Variants in FNBP1L observed in about 807,000 individuals in gnomAD.
FNBP1L encodes the protein formin-binding protein 1-like.
In FNBP1L, 36 loss-of-function variants were observed where a neutral mutation model predicts 91.2. The ratio of observed to expected loss-of-function variants is 0.39; its 90% CI spans 0.30 to 0.52. FNBP1L has a LOEUF of 0.52. Ranked by LOEUF, FNBP1L falls within the 20% of genes least tolerant of loss-of-function variation. The pLI is 0.66. For synonymous variants in FNBP1L, 242 were observed against 237.0 expected (o/e 1.02, Z -0.19); for missense variants, 571 against 732.1 (o/e 0.78, Z 2.54).
intron 7 of FNBP1L, among the ~76,000 whole-genome samples, chr1:93,531,287 G>A (rs750797301): frequency 6.6e-6 from 1 of 152,136 alleles, no homozygotes; most frequent in Non-Finnish European, 1.5e-5. Flanking sequence ...ATATTTGCTA[G>A]CATGGTTTTT....
chr1:93,499,487 A>G lies in FNBP1L; in HGVS notation c.44A>G (p.Asp15Gly). ...TELWDQFDSL[D>G]KHTQWGIDFL... is the part of the protein sequence containing the mutation. ...TTCCAGGATCAGTTCGACAGCTTAGACAAGCATACACAATGGGGAATTGAC... is the reference window on the plus strand; with the variant it reads ...TTCCAGGATCAGTTCGACAGCTTAGGCAAGCATACACAATGGGGAATTGAC... The change falls in exon 2 of 17, where the codon GAC becomes GGC. Residue 15 changes from aspartate (D) to glycine (G), a missense_variant. Asp to Gly is a moderately conservative substitution (Grantham distance 94). Coordinates refer to ENST00000271234, the MANE Select transcript of FNBP1L (RefSeq NM_001164473.3). 1 of 1,596,964 alleles carries G rather than the reference A, an allele frequency of 6.3e-7. No homozygotes were observed. Among genetic ancestry groups the G allele is most frequent in the Non-Finnish European group, 8.5e-7 (1 of 1,172,988 alleles).
chr1:93,549,152 C>T (rs1393380658), intron 14 of FNBP1L, 126 bp from the exon 15 acceptor site: 1 of 645,392 alleles, frequency 1.5e-6, no homozygotes, highest in African/African-American at 1.9e-5. Flanking sequence ...AAAAATAGGG[C>T]TTAAGTGGAA....
intron 1 of FNBP1L, among the ~76,000 whole-genome samples, chr1:93,470,472 C>A (rs989140604): frequency 1.3e-5 from 2 of 152,200 alleles, no homozygotes; most frequent in Non-Finnish European, 2.9e-5. Flanking sequence ...AATTGGCTCT[C>A]CAGTTGGCTT....
intron 1 of FNBP1L, among the ~76,000 whole-genome samples, chr1:93,449,158 G>C (rs999224137): frequency 1.3e-5 from 2 of 152,162 alleles, no homozygotes; most frequent in African/African-American, 4.8e-5. Context: ...CTTTGGCACA[G>C]GAGGCTCCAG....
At chr1:93,520,419 A>C in intron 2 of FNBP1L, among the ~76,000 whole-genome samples, 1 of 152,192 alleles carries the variant, frequency 6.6e-6, no homozygotes, top group Non-Finnish European at 1.5e-5. Flanking sequence ...TTTCCAATCC[A>C]TTGTGTACTG....
intron 5 of FNBP1L, 63 bp downstream of exon 5, chr1:93,524,386 T>G: frequency 8.4e-7 from 1 of 1,185,674 alleles, no homozygotes; most frequent in Non-Finnish European, 1.1e-6. Context: ...CCTAAATACT[T>G]TTATGCTTCA....
Position 93,541,037 on chromosome 1 carries a change from T to C in FNBP1L, c.1150-5T>C. 6.5e-7 allele frequency: 1 copy of C among 1,536,454 alleles called. No homozygotes were observed. On this transcript the variant is annotated splice_polypyrimidine_tract_variant and splice_region_variant and intron_variant, in intron 10 of 16. Transcript: ENST00000271234. Reference sequence around the variant, plus strand: ...TTTCTTTCTGTTTTCCATTGAACTATTCAGTGGTCGGTGAAGATGGTAAGC... The same window carrying C: ...TTTCTTTCTGTTTTCCATTGAACTACTCAGTGGTCGGTGAAGATGGTAAGC...
chr1:93,479,986 GA>G (rs1472071201), intron 1 of FNBP1L, among the ~76,000 whole-genome samples: 1 of 152,168 alleles, frequency 6.6e-6, no homozygotes, highest in Non-Finnish European at 1.5e-5. Flanking sequence ...AACTGTCCAG[GA>G]AATCTTCACA....
chr1:93,461,969 T>G (rs900407277), intron 1 of FNBP1L, among the ~76,000 whole-genome samples: 1 of 152,176 alleles, frequency 6.6e-6, no homozygotes, highest in African/African-American at 2.4e-5. Flanking sequence ...ATGGACCACT[T>G]CTTACTTGTC....
At chr1:93,462,861 C>A (rs74104033) in intron 1 of FNBP1L, among the ~76,000 whole-genome samples, 1 of 151,968 alleles carries the variant, frequency 6.6e-6, no homozygotes, top group East Asian at 1.9e-4. Flanking sequence ...AAGGAAGTCA[C>A]TATGTATAGC....
chr1:93,449,749 T>C (rs1668422167), intron 1 of FNBP1L, among the ~76,000 whole-genome samples: 1 of 152,198 alleles, frequency 6.6e-6, no homozygotes, highest in African/African-American at 2.4e-5. Flanking sequence ...GATTGCATGG[T>C]AAATGAATTA....
At chr1:93,537,862 T>C (rs1557817054) in intron 10 of FNBP1L, among the ~76,000 whole-genome samples, 1 of 152,278 alleles carries the variant, frequency 6.6e-6, no homozygotes, top group East Asian at 1.9e-4. Context: ...ATTTTTAATT[T>C]AAAATTGTTT....
chr1:93,534,783 C>T lies in FNBP1L; in HGVS notation c.865C>T (p.His289Tyr), dbSNP rs770373855. The change falls in exon 9 of 17, where the codon CAT (histidine) becomes TAT (tyrosine). Residue 289 changes from histidine to tyrosine, a missense_variant. Coordinates refer to ENST00000271234, the MANE Select transcript of FNBP1L (RefSeq NM_001164473.3). ...CTTTCCATTTGAAGATTACAGTCAA[C>T]ATATATATAGAACCATTTCTGATGG... is the stretch of plus-strand genomic sequence containing the variant. ...GDFPFEDYSQHIYRTISDGTI... is the reference protein window; with the variant it reads ...GDFPFEDYSQYIYRTISDGTI... The T allele has an allele frequency of 8.6e-5, 135 of 1,570,696 alleles. 1 individual carries two copies. The South Asian group carries it at 1.5e-3, about 18-fold the overall frequency.
At chr1:93,459,052 A>G (rs1306190777) in intron 1 of FNBP1L, among the ~76,000 whole-genome samples, 1 of 152,180 alleles carries the variant, frequency 6.6e-6, no homozygotes, top group Non-Finnish European at 1.5e-5. Context: ...AGGTGGGTGG[A>G]TCCCTTGAGG....
At chr1:93,515,563 C>T (rs1671063900) in intron 2 of FNBP1L, among the ~76,000 whole-genome samples, 1 of 152,052 alleles carries the variant, frequency 6.6e-6, no homozygotes, top group Admixed American at 6.6e-5. Flanking sequence ...GGCACATATA[C>T]ACCATGGAAT....
Position 93,512,857 on chromosome 1 carries a change from A to G in FNBP1L, c.141-9225A>G, listed in dbSNP as rs558428475. On this transcript the variant is annotated intron_variant, in intron 2 of 16. Coordinates refer to ENST00000271234, the MANE Select transcript of FNBP1L (RefSeq NM_001164473.3). The stretch of plus-strand genomic sequence containing the variant: ...AATTGACACTCTAACATCACAATTA[A>G]AAGAACTAGAAAAGCAAGAGCAAAC... 1.9e-3 allele frequency among the ~76,000 whole-genome samples: 287 copies of G among 152,214 alleles called. 2 individuals are homozygous for G. Among genetic ancestry groups the G allele is most frequent in the African/African-American group, 6.6e-3 (276 of 41,524 alleles).
intron 1 of FNBP1L, among the ~76,000 whole-genome samples, chr1:93,471,993 C>A (rs538246228): frequency 2.4e-4 from 37 of 152,206 alleles, no homozygotes; most frequent in African/African-American, 8.9e-4. Flanking sequence ...AGAAATGGTG[C>A]TGTTAATTAG....
At chr1:93,462,337 A>G (rs773259419) in intron 1 of FNBP1L, among the ~76,000 whole-genome samples, 10 of 152,168 alleles carry the variant, frequency 6.6e-5, no homozygotes, top group Non-Finnish European at 1.0e-4. Context: ...CTTAGAAATT[A>G]AGCAGATATT....
chr1:93,546,278 A>G (rs570031214), intron 12 of FNBP1L, among the ~76,000 whole-genome samples: 1 of 152,244 alleles, frequency 6.6e-6, no homozygotes, highest in Admixed American at 6.5e-5. Context: ...GTTAGTCAAT[A>G]GTGTCAGATG....
Sources: allele counts gnomAD v4.1 joint callset (sites outside exome capture counted in the v4.1 genomes callset), GRCh38; gene constraint gnomAD v4.1.1; transcripts MANE v1.5; gene names NCBI Gene and HGNC (gene_info 2026-07-23, HGNC 2026-07-21).